Variants in MALRD1 observed in about 807,000 individuals in gnomAD.
MALRD1 encodes MAM and LDL receptor class A domain containing 1, also known as MAM and LDL-receptor class A domain-containing protein 1.
Under a neutral mutation model 242.1 loss-of-function variants are expected in MALRD1, and 247 were observed. The observed-to-expected ratio is 1.02, with a 90% CI of 0.92 to 1.13. The LOEUF is 1.13. MALRD1 is among the 50% of genes most tolerant of loss of function. MALRD1 has a pLI of 0.00. For synonymous variants in MALRD1, 995 were observed against 866.6 expected (o/e 1.15, Z -2.60); for missense variants, 2,989 against 2,533.1 (o/e 1.18, Z -3.86).
At chr10:19,493,137 A>T (rs1213086278) in intron 30 of MALRD1, 1 of 152,116 alleles carries the variant, frequency 6.6e-6, no homozygotes, top group Non-Finnish European at 1.5e-5. Context: ...ACAAAACCGT[A>T]TTAATTAAAG....
At chr10:19,238,386 TTA>T (rs1157695537) in intron 18 of MALRD1, among the ~76,000 whole-genome samples, 1 of 88,928 alleles carries the variant, frequency 1.1e-5, no homozygotes, top group Non-Finnish European at 2.1e-5. Flanking sequence ...ACATAATATA[TTA>T]TATATGTTAT....
At chr10:19,600,698 A>T (rs541250500) in intron 34 of MALRD1, among the ~76,000 whole-genome samples, 6 of 152,264 alleles carry the variant, frequency 3.9e-5, no homozygotes, top group African/African-American at 1.4e-4. Flanking sequence ...TCCATGCAGC[A>T]ACGATAATCG....
intron 28 of MALRD1, among the ~76,000 whole-genome samples, chr10:19,416,242 T>A (rs972596151): frequency 2.6e-5 from 4 of 152,190 alleles, no homozygotes; most frequent in African/African-American, 9.6e-5. Flanking sequence ...AAGAGATCTG[T>A]TCCACAAATT....
At chr10:19,097,824 C>T (rs1175839919) in intron 4 of MALRD1, among the ~76,000 whole-genome samples, 2 of 152,130 alleles carry the variant, frequency 1.3e-5, no homozygotes, top group Admixed American at 6.6e-5. Context: ...ATAATAATGT[C>T]GATTCTTGCA....
intron 26 of MALRD1, among the ~76,000 whole-genome samples, chr10:19,363,784 A>G (rs1844997555): frequency 6.6e-6 from 1 of 152,158 alleles, no homozygotes; most frequent in Admixed American, 6.6e-5. Flanking sequence ...GCCAGAATAT[A>G]GTACCCTGGC....
At chr10:19,255,932 A>G (rs193027071) in intron 18 of MALRD1, among the ~76,000 whole-genome samples, 59 of 152,130 alleles carry the variant, frequency 3.9e-4, no homozygotes, top group Non-Finnish European at 7.7e-4. Flanking sequence ...TAAATAGCCA[A>G]TTCTTTAATT....
intron 38 of MALRD1, among the ~76,000 whole-genome samples, chr10:19,697,010 A>C (rs1426513581): frequency 6.6e-6 from 1 of 152,220 alleles, no homozygotes; most frequent in Non-Finnish European, 1.5e-5. Flanking sequence ...ATGAATGAGA[A>C]GCAGTCTAGA....
chr10:19,329,283 A>G (rs1843262500), intron 23 of MALRD1, among the ~76,000 whole-genome samples: 1 of 152,122 alleles, frequency 6.6e-6, no homozygotes, highest in Non-Finnish European at 1.5e-5. Flanking sequence ...TGATTCTGCC[A>G]TTTTTTACAA....
chr10:19,332,926 A>G (rs1015505860), intron 24 of MALRD1, among the ~76,000 whole-genome samples: 22 of 152,152 alleles, frequency 1.4e-4, no homozygotes, highest in African/African-American at 5.3e-4. Flanking sequence ...CACAACGTGC[A>G]GGTTTGTTAC....
chr10:19,423,830 G>A (rs1437085195), intron 28 of MALRD1, among the ~76,000 whole-genome samples: 1 of 152,168 alleles, frequency 6.6e-6, no homozygotes, highest in Non-Finnish European at 1.5e-5. Flanking sequence ...CAGGGAGGCT[G>A]ATTTCAATCT....
At chr10:19,411,046 A>G (rs1833258941) in intron 28 of MALRD1, among the ~76,000 whole-genome samples, 1 of 152,166 alleles carries the variant, frequency 6.6e-6, no homozygotes, top group Non-Finnish European at 1.5e-5. Context: ...TTATTATAAT[A>G]TGAAATCTGC....
intron 1 of MALRD1, among the ~76,000 whole-genome samples, chr10:19,063,242 C>A (rs993423623): frequency 2.0e-5 from 3 of 152,058 alleles, no homozygotes; most frequent in African/African-American, 7.3e-5. Context: ...CCTTATAGAA[C>A]CTGTAAGAGG....
chr10:19,242,078 A>G (rs574830786), intron 18 of MALRD1, among the ~76,000 whole-genome samples: 3 of 152,262 alleles, frequency 2.0e-5, no homozygotes, highest in African/African-American at 7.2e-5. Context: ...TGATAAAGAC[A>G]TACCTGAGAC....
intron 38 of MALRD1, among the ~76,000 whole-genome samples, chr10:19,720,025 C>T (rs1223799624): frequency 6.6e-6 from 1 of 152,030 alleles, no homozygotes; most frequent in Admixed American, 6.6e-5. Flanking sequence ...TCTTCTATTA[C>T]CTTATGACTC....
chr10:19,502,068 G>A (rs1202496366), intron 31 of MALRD1, among the ~76,000 whole-genome samples: 1 of 151,028 alleles, frequency 6.6e-6, no homozygotes, highest in Admixed American at 6.6e-5. Flanking sequence ...CAAGTAACAG[G>A]AACTGTACCT....
At chr10:19,608,033 G>C (rs1838721127) in intron 35 of MALRD1, 131 bp downstream of exon 35, 1 of 1,257,182 alleles carries the variant, frequency 8.0e-7, no homozygotes, top group African/African-American at 1.5e-5. Context: ...TTCTTGGTTT[G>C]GGGGCAGAAA....
chr10:19,651,751 A>C (rs1315336080), intron 36 of MALRD1, among the ~76,000 whole-genome samples: 1 of 152,238 alleles, frequency 6.6e-6, no homozygotes, highest in African/African-American at 2.4e-5. Flanking sequence ...TAAGCACTGT[A>C]GAAAGAATGC....
At chr10:19,376,158 A>G (rs1845581872) in intron 26 of MALRD1, among the ~76,000 whole-genome samples, 1 of 152,156 alleles carries the variant, frequency 6.6e-6, no homozygotes, top group Non-Finnish European at 1.5e-5. Flanking sequence ...ACAAAAACAA[A>G]AAAAACTTCG....
chr10:19,510,939 A>G (rs1564402209), intron 31 of MALRD1, among the ~76,000 whole-genome samples: 1 of 152,202 alleles, frequency 6.6e-6, no homozygotes, highest in Non-Finnish European at 1.5e-5. Context: ...GGTGTTAGCT[A>G]CTGTAGACAC....
Sources: allele counts gnomAD v4.1 joint callset (sites outside exome capture counted in the v4.1 genomes callset), GRCh38; gene constraint gnomAD v4.1.1; transcripts MANE v1.5; gene names NCBI Gene and HGNC (gene_info 2026-07-23, HGNC 2026-07-21).